Variants in EEFSEC observed in about 807,000 individuals in gnomAD.
EEFSEC encodes selenocysteine-specific elongation factor.
A neutral mutation model predicts 42.1 loss-of-function variants in EEFSEC; 43 were observed. That is an observed-to-expected ratio of 1.02 (90% CI 0.80 to 1.32). EEFSEC has a LOEUF of 1.32. Ranked by LOEUF, EEFSEC falls within the 40% of genes most tolerant of loss-of-function variation. The pLI is 0.00. For missense variants in EEFSEC, 745 were observed against 803.6 expected (o/e 0.93, Z 0.88); for synonymous variants, 354 against 339.1 (o/e 1.04, Z -0.48).
chr3:128,381,494 A>G (rs1469718644), intron 6 of EEFSEC, among the ~76,000 whole-genome samples: 1 of 152,242 alleles, frequency 6.6e-6, no homozygotes, highest in African/African-American at 2.4e-5. Context: ...CTTTGGGTCA[A>G]GGCCAGGATG....
At chr3:128,351,973 A>G (rs2067391157) in intron 5 of EEFSEC, among the ~76,000 whole-genome samples, 1 of 152,270 alleles carries the variant, frequency 6.6e-6, no homozygotes, top group Non-Finnish European at 1.5e-5. Context: ...GTTTGACGTC[A>G]CAATGATTGA....
intron 5 of EEFSEC, among the ~76,000 whole-genome samples, chr3:128,345,600 G>C (rs535819537): frequency 2.6e-5 from 4 of 152,220 alleles, no homozygotes; most frequent in Non-Finnish European, 5.9e-5. Flanking sequence ...CCAGTCTCTT[G>C]GGCAGAATCT....
chr3:128,220,845 C>T (rs756302503), intron 1 of EEFSEC, among the ~76,000 whole-genome samples: 1 of 152,240 alleles, frequency 6.6e-6, no homozygotes, highest in South Asian at 2.1e-4. Flanking sequence ...CTTATGCTAT[C>T]CCTGTGGCTG....
intron 1 of EEFSEC, among the ~76,000 whole-genome samples, chr3:128,156,128 G>A (rs1407534493): frequency 6.6e-6 from 1 of 152,218 alleles, no homozygotes; most frequent in Non-Finnish European, 1.5e-5. Flanking sequence ...TACTTTTGGA[G>A]TCAGACAAAA....
At chr3:128,367,746 T>A in intron 6 of EEFSEC, 1 of 985,448 alleles carries the variant, frequency 1.0e-6, no homozygotes, top group Non-Finnish European at 1.2e-6. Context: ...GTGGCCCCAC[T>A]GCCTGCCTGG....
chr3:128,413,070 G>T (rs1320628524), downstream of EEFSEC, among the ~76,000 whole-genome samples: 4 of 152,150 alleles, frequency 2.6e-5, no homozygotes, highest in African/African-American at 9.7e-5. Context: ...GGAGGTCAGG[G>T]CTCCCCCACC....
chr3:128,375,132 G>T (rs909301503), intron 6 of EEFSEC, among the ~76,000 whole-genome samples: 5 of 152,240 alleles, frequency 3.3e-5, no homozygotes, highest in African/African-American at 1.2e-4. Context: ...TGTAATAGAG[G>T]AGTAAGAAAA....
At chr3:128,260,658 T>G (rs2955098) in intron 2 of EEFSEC, among the ~76,000 whole-genome samples, 130,912 of 152,186 alleles carry the variant, frequency 0.86, 56,513 homozygotes, top group East Asian at 0.99. Flanking sequence ...GTGCCTGGCA[T>G]GCTACTGGTT....
At chr3:128,360,582 A>T (rs1216445036) in intron 6 of EEFSEC, among the ~76,000 whole-genome samples, 3 of 152,068 alleles carry the variant, frequency 2.0e-5, no homozygotes, top group Non-Finnish European at 2.9e-5. Flanking sequence ...GAGCTGGGGT[A>T]TTCCCAGGGC....
chr3:128,261,551 CTTTTT>C (rs386397883), intron 2 of EEFSEC, among the ~76,000 whole-genome samples: 12 of 106,896 alleles, frequency 1.1e-4, no homozygotes, highest in East Asian at 2.8e-4. Context: ...CTCTTTCCCT[CTTTTT>C]TTTTTTTTTT....
At chr3:128,378,816 G>A (rs989853994) in intron 6 of EEFSEC, among the ~76,000 whole-genome samples, 4 of 152,212 alleles carry the variant, frequency 2.6e-5, no homozygotes, top group Non-Finnish European at 5.9e-5. Flanking sequence ...GTCCCACAGG[G>A]AGGCCCGAAG....
chr3:128,404,024 A>G (rs1051357633), intron 6 of EEFSEC, among the ~76,000 whole-genome samples: 3 of 152,220 alleles, frequency 2.0e-5, no homozygotes, highest in Non-Finnish European at 4.4e-5. Context: ...TTAAGTGAAA[A>G]GGCACAGAGG....
At chr3:128,392,366 G>A (rs1559955477) in intron 6 of EEFSEC, among the ~76,000 whole-genome samples, 1 of 152,228 alleles carries the variant, frequency 6.6e-6, no homozygotes, top group Non-Finnish European at 1.5e-5. Context: ...CCGGGGAGCA[G>A]GGTTCCACAT....
At chr3:128,405,263 A>C (rs1332205948) in intron 6 of EEFSEC, among the ~76,000 whole-genome samples, 1 of 151,752 alleles carries the variant, frequency 6.6e-6, no homozygotes, top group East Asian at 1.9e-4. Context: ...TGATCCACCC[A>C]CCTCGGCCTC....
chr3:128,205,384 C>A (rs1007454467), intron 1 of EEFSEC, among the ~76,000 whole-genome samples: 1 of 151,618 alleles, frequency 6.6e-6, no homozygotes, highest in African/African-American at 2.4e-5. Context: ...AAAGAGGGTG[C>A]CAAGTTGAGC....
At chr3:128,356,359 CCCCAGGGCCTAGCTATGCAGAGGCCCGA>C (rs1483517289) in intron 5 of EEFSEC, among the ~76,000 whole-genome samples, 2 of 152,090 alleles carry the variant, frequency 1.3e-5, no homozygotes, top group Non-Finnish European at 2.9e-5. Flanking sequence ...TCAGATGTAA[CCCCAGGGCCTAGCTATGCAGAGGCCCGA>C]GTAGTAGCTC....
intron 1 of EEFSEC, among the ~76,000 whole-genome samples, chr3:128,244,133 G>T (rs1460326225): frequency 6.6e-6 from 1 of 152,218 alleles, no homozygotes; most frequent in Non-Finnish European, 1.5e-5. Context: ...TGAAGGTGGA[G>T]ACTGGAAAAT....
Position 128,341,873 on chromosome 3 carries a change from A to C in EEFSEC, c.1427A>C (p.His476Pro). 1 of 1,613,440 alleles carries C rather than the reference A, an allele frequency of 6.2e-7. No individual in the cohort carries two copies. The highest frequency in any genetic ancestry group is 8.5e-7 in the Non-Finnish European group (1 of 1,179,908). Residue 476 changes from histidine (H) to proline (P), a missense_variant, in exon 5 of 7, where the codon CAT (histidine) becomes CCT (proline). His to Pro is a moderately conservative substitution (Grantham distance 77). Coordinates refer to ENST00000254730, the MANE Select transcript of EEFSEC (RefSeq NM_021937.5). ...AAGGTGTACAAGCTGAAGCACAAGC[A>C]TGGCCTTGTGGAGCGGGTGAGCATG... ...RLKVYKLKHK[H>P]GLVERAMDDY...
At chr3:128,223,867 C>T (rs1367126033) in intron 1 of EEFSEC, among the ~76,000 whole-genome samples, 2 of 118,952 alleles carry the variant, frequency 1.7e-5, no homozygotes, top group Non-Finnish European at 3.6e-5. Context: ...GAAATGACAT[C>T]AAAGATATAA....
Sources: allele counts gnomAD v4.1 joint callset (sites outside exome capture counted in the v4.1 genomes callset), GRCh38; gene constraint gnomAD v4.1.1; transcripts MANE v1.5; gene names NCBI Gene and HGNC (gene_info 2026-07-23, HGNC 2026-07-21).